Variants in SGCG observed in about 807,000 individuals in gnomAD.
SGCG encodes gamma-sarcoglycan.
SGCG carries 26 observed loss-of-function variants against 29.3 expected under a neutral mutation model. That is an observed-to-expected ratio of 0.89 (90% confidence interval 0.65 to 1.23). The LOEUF is 1.23. SGCG is among the 50% of genes most tolerant of loss of function. SGCG has a pLI of 0.00. For synonymous variants in SGCG, 145 were observed against 129.7 expected, an observed-to-expected ratio of 1.12 and a Z score of -0.80; for missense variants, 353 against 356.0, an observed-to-expected ratio of 0.99 and a Z score of 0.07.
chr13:23,184,049 A>G lies in SGCG; in HGVS notation c.-1+2974A>G, dbSNP rs1469010619. On this transcript the variant is annotated intron_variant, in intron 1 of 7. Coordinates refer to ENST00000218867, the MANE Select transcript of SGCG (RefSeq NM_000231.3). ...TACTGGAATGCATTTGAATGTTTGT[A>G]TTTTGGCAACATTTGAAAGTCACTT... Among the ~76,000 whole-genome samples, 2 of 152,240 alleles carry G rather than the reference A, an allele frequency of 1.3e-5. 1 individual carries two copies.
the SGCG span, among the ~76,000 whole-genome samples, chr13:23,167,883 C>A: frequency 6.6e-6 from 1 of 152,068 alleles, no homozygotes; most frequent in African/African-American, 2.4e-5. Context: ...AGGCGCGTGC[C>A]ATCACACCAT....
At chr13:23,242,643 G>A (rs1015874011) in intron 3 of SGCG, among the ~76,000 whole-genome samples, 1 of 152,050 alleles carries the variant, frequency 6.6e-6, no homozygotes, top group Non-Finnish European at 1.5e-5. Flanking sequence ...TCTCTAAATG[G>A]CGTAAAATTT....
chr13:23,178,655 G>A (rs533487707), upstream of SGCG, among the ~76,000 whole-genome samples: 13 of 152,186 alleles, frequency 8.5e-5, no homozygotes, highest in South Asian at 2.1e-4. Flanking sequence ...AAAATACTCC[G>A]TTATTTTCAA....
intron 6 of SGCG, 41 bp from the exon 7 acceptor site, chr13:23,320,596 A>AAT: frequency 3.0e-6 from 4 of 1,323,512 alleles, no homozygotes; most frequent in African/African-American, 1.8e-5. Flanking sequence ...TATTTTTAAT[A>AAT]CTTTTTTTTT....
intron 5 of SGCG, among the ~76,000 whole-genome samples, chr13:23,288,755 G>A (rs993812763): frequency 6.6e-6 from 1 of 152,102 alleles, no homozygotes; most frequent in African/African-American, 2.4e-5. Context: ...CTACACCATT[G>A]CCAGAACTGA....
intron 5 of SGCG, among the ~76,000 whole-genome samples, chr13:23,279,723 C>A (rs1467697479): frequency 6.6e-6 from 1 of 151,670 alleles, no homozygotes; most frequent in African/African-American, 2.4e-5. Flanking sequence ...TCCTTCCTCC[C>A]TTCCTTCTTT....
chr13:23,291,884 A>G (rs1468422481), intron 5 of SGCG, among the ~76,000 whole-genome samples: 1 of 152,196 alleles, frequency 6.6e-6, no homozygotes, highest in East Asian at 1.9e-4. Flanking sequence ...GGCTGGGGAA[A>G]AAGCACTCAG....
intron 5 of SGCG, among the ~76,000 whole-genome samples, chr13:23,284,416 A>G (rs781105147): frequency 2.0e-5 from 3 of 152,084 alleles, no homozygotes; most frequent in Non-Finnish European, 4.4e-5. Flanking sequence ...ATACTTGTGT[A>G]TGCTTCACAA....
chr13:23,241,821 G>T (rs1318152923), intron 3 of SGCG, among the ~76,000 whole-genome samples: 2 of 152,130 alleles, frequency 1.3e-5, no homozygotes, highest in East Asian at 3.8e-4. Context: ...TCAATAGAAT[G>T]AAGGACAAAA....
At chr13:23,274,576 C>G (rs1880998757) in intron 4 of SGCG, among the ~76,000 whole-genome samples, 1 of 151,830 alleles carries the variant, frequency 6.6e-6, no homozygotes. Context: ...GAGCCCACCA[C>G]CATGCTCGGC....
chr13:23,189,683 A>G (rs7981347), intron 1 of SGCG, among the ~76,000 whole-genome samples: 30,948 of 151,588 alleles, frequency 0.2, 3,239 homozygotes, highest in African/African-American at 0.25. Context: ...TTAACAGAGA[A>G]AACTATCACC....
chr13:23,263,599 C>T (rs1880528522), intron 4 of SGCG, among the ~76,000 whole-genome samples: 1 of 151,880 alleles, frequency 6.6e-6, no homozygotes, highest in Non-Finnish European at 1.5e-5. Flanking sequence ...CCAGTATTAC[C>T]CTGATATCAA....
At chr13:23,314,024 G>A (rs958135050) in intron 6 of SGCG, among the ~76,000 whole-genome samples, 2 of 152,092 alleles carry the variant, frequency 1.3e-5, no homozygotes, top group Admixed American at 6.6e-5. Context: ...TTGAGACTTG[G>A]ACTGGCTCTC....
At chr13:23,217,707 A>T (rs1214575302) in intron 2 of SGCG, among the ~76,000 whole-genome samples, 1 of 151,778 alleles carries the variant, frequency 6.6e-6, no homozygotes, top group East Asian at 1.9e-4. Context: ...TACTGCTACC[A>T]TGTAATAGGT....
chr13:23,165,752 C>G, the SGCG span, among the ~76,000 whole-genome samples: 1 of 152,108 alleles, frequency 6.6e-6, no homozygotes, highest in South Asian at 2.1e-4. Context: ...GTCTCGAACT[C>G]CTGACCTCAG....
chr13:23,191,554 CA>C (rs1877253276), intron 1 of SGCG, among the ~76,000 whole-genome samples: 1 of 145,920 alleles, frequency 6.9e-6, no homozygotes, highest in South Asian at 2.3e-4. Context: ...CAGCAGTCCC[CA>C]GCTGTGAGGA....
At chr13:23,280,962 G>A (rs1292897995) in intron 5 of SGCG, among the ~76,000 whole-genome samples, 2 of 152,178 alleles carry the variant, frequency 1.3e-5, no homozygotes, top group African/African-American at 2.4e-5. Flanking sequence ...AGAGGAACAG[G>A]TGAGAAAAAT....
At chr13:23,200,210 G>C (rs9552877) in intron 1 of SGCG, among the ~76,000 whole-genome samples, 34,821 of 152,040 alleles carry the variant, frequency 0.23, 4,303 homozygotes, top group East Asian at 0.35. Context: ...ATTACCTGAG[G>C]TCAGGAGTTC....
rs183807075 is a variant in SGCG at position 23,229,653 on chromosome 13, G to C, written c.196-4958G>C. Among the ~76,000 whole-genome samples the C allele has an allele frequency of 3.8e-4, 58 of 152,216 alleles. No individual in the cohort carries two copies. In the Middle Eastern group the frequency reaches 0.01, roughly 27 times the overall value. Reference sequence around the variant, plus strand: ...GAGGTTGTTTGTTCTTCATTTGTATGTTTAAGTTCCTTGTAGATTCTGGAT... The same window carrying C: ...GAGGTTGTTTGTTCTTCATTTGTATCTTTAAGTTCCTTGTAGATTCTGGAT... On this transcript the variant is annotated intron_variant, in intron 2 of 7. Coordinates refer to ENST00000218867, the MANE Select transcript of SGCG (RefSeq NM_000231.3).
Sources: allele counts gnomAD v4.1 joint callset (sites outside exome capture counted in the v4.1 genomes callset), GRCh38; gene constraint gnomAD v4.1.1; transcripts MANE v1.5; gene names NCBI Gene and HGNC (gene_info 2026-07-23, HGNC 2026-07-21).